The following SMYD3 variants were observed in gnomAD, a reference collection of about 807,000 sequenced individuals.
SMYD3 encodes the protein SET and MYND domain containing 3.
Under a neutral mutation model 57.7 loss-of-function variants are expected in SMYD3, and 36 were observed. The ratio of observed to expected loss-of-function variants is 0.62; its 90% confidence interval spans 0.48 to 0.82. The LOEUF (loss-of-function observed/expected upper bound fraction) is 0.82, where lower values mean the gene tolerates loss of function less well. SMYD3 is among the 40% of genes least tolerant of loss of function. The probability of loss-of-function intolerance (pLI) is 0.00; values close to 1 mark genes in which losing one functional copy is unlikely to be tolerated. For missense variants in SMYD3, 515 were observed against 538.8 expected, an observed-to-expected ratio of 0.96 and a Z score of 0.44; for synonymous variants, 211 against 195.0, an observed-to-expected ratio of 1.08 and a Z score of -0.68.
chr1:246,420,463 A>G (rs1219471492), intron 1 of SMYD3, among the ~76,000 whole-genome samples: 2 of 152,244 alleles, frequency 1.3e-5, no homozygotes, highest in African/African-American at 4.8e-5. Flanking sequence ...AATTCAGTCA[A>G]GCTGAAATCA....
At chr1:245,861,291 C>G (rs978782003) in intron 9 of SMYD3, among the ~76,000 whole-genome samples, 4 of 152,220 alleles carry the variant, frequency 2.6e-5, no homozygotes, top group Admixed American at 1.3e-4. Flanking sequence ...GAGCTCTAGA[C>G]CTAGCAGGGC....
intron 5 of SMYD3, among the ~76,000 whole-genome samples, chr1:246,097,542 C>T (rs1339192924): frequency 6.6e-6 from 1 of 152,178 alleles, no homozygotes; most frequent in African/African-American, 2.4e-5. Context: ...AGCAAAAGCT[C>T]TGTAGTACTC....
intron 5 of SMYD3, among the ~76,000 whole-genome samples, chr1:246,261,216 G>A (rs543708346): frequency 6.6e-6 from 1 of 151,886 alleles, no homozygotes; most frequent in East Asian, 1.9e-4. Flanking sequence ...CCGCCACCAC[G>A]CCTGGCTAAT....
intron 5 of SMYD3, among the ~76,000 whole-genome samples, chr1:246,010,482 A>G (rs2059262399): frequency 6.6e-6 from 1 of 151,874 alleles, no homozygotes; most frequent in Non-Finnish European, 1.5e-5. Flanking sequence ...AATTTAATAA[A>G]CTCCCTCTCT....
intron 5 of SMYD3, among the ~76,000 whole-genome samples, chr1:246,267,282 C>T (rs2064127904): frequency 6.6e-6 from 1 of 152,000 alleles, no homozygotes; most frequent in Admixed American, 6.5e-5. Context: ...CATGCATTAA[C>T]ATATTAATTG....
intron 10 of SMYD3, among the ~76,000 whole-genome samples, chr1:245,851,116 T>C (rs78071652): frequency 0.018 from 2,759 of 152,196 alleles, 84 homozygotes; most frequent in African/African-American, 0.063. Context: ...GGCCTCCTAC[T>C]CTAGCACTCT....
intron 5 of SMYD3, among the ~76,000 whole-genome samples, chr1:246,032,982 G>A (rs1026466543): frequency 1.3e-5 from 2 of 152,114 alleles, no homozygotes; most frequent in Non-Finnish European, 2.9e-5. Context: ...TTTAGGGATC[G>A]CTGCAAGTTG....
chr1:246,383,476 G>A (rs1472170214), intron 1 of SMYD3, among the ~76,000 whole-genome samples: 1 of 152,060 alleles, frequency 6.6e-6, no homozygotes, highest in Non-Finnish European at 1.5e-5. Context: ...TTGCACTAAA[G>A]GTAGAAAAGC....
At chr1:245,953,400 G>A in intron 5 of SMYD3, 1 of 951,120 alleles carries the variant, frequency 1.1e-6, no homozygotes, top group Non-Finnish European at 1.3e-6. Context: ...AAAGTAAACT[G>A]GCTTAAAAGT....
At chr1:245,898,088 C>T (rs1019794302) in intron 8 of SMYD3, among the ~76,000 whole-genome samples, 3 of 152,090 alleles carry the variant, frequency 2.0e-5, no homozygotes, top group African/African-American at 4.8e-5. Flanking sequence ...TTAGGTTTGG[C>T]TGCTGATACA....
chr1:245,888,070 C>G (rs1405398343), intron 8 of SMYD3, among the ~76,000 whole-genome samples: 1 of 152,188 alleles, frequency 6.6e-6, no homozygotes, highest in African/African-American at 2.4e-5. Context: ...TAATTCTAGT[C>G]CTTGTTGGGG....
At chr1:246,280,283 A>G (rs1452183620) in intron 5 of SMYD3, among the ~76,000 whole-genome samples, 1 of 152,238 alleles carries the variant, frequency 6.6e-6, no homozygotes, top group South Asian at 2.1e-4. Flanking sequence ...ATTATTTTAT[A>G]AAGTCTACCA....
chr1:246,426,209 A>T (rs2067216126), intron 1 of SMYD3: 2 of 152,078 alleles, frequency 1.3e-5, no homozygotes, highest in Admixed American at 1.3e-4. Context: ...TACCCTATTG[A>T]GTTATTTTAC....
At chr1:245,777,349 G>A (rs2046646761) in intron 10 of SMYD3, among the ~76,000 whole-genome samples, 1 of 152,096 alleles carries the variant, frequency 6.6e-6, no homozygotes, top group South Asian at 2.1e-4. Flanking sequence ...AATTGCCAAA[G>A]GCAACCACTT....
chr1:245,769,867 G>T (rs2046267937), intron 10 of SMYD3, among the ~76,000 whole-genome samples: 1 of 152,166 alleles, frequency 6.6e-6, no homozygotes, highest in South Asian at 2.1e-4. Context: ...GTCAGCCCAT[G>T]GTATCGCTGG....
intron 1 of SMYD3, among the ~76,000 whole-genome samples, chr1:246,362,544 T>A (rs1257727076): frequency 6.6e-6 from 1 of 152,172 alleles, no homozygotes; most frequent in African/African-American, 2.4e-5. Flanking sequence ...CCATCTCGGC[T>A]CACTGCAACC....
intron 8 of SMYD3, among the ~76,000 whole-genome samples, chr1:245,890,074 A>G (rs1039081353): frequency 2.0e-5 from 3 of 151,490 alleles, no homozygotes; most frequent in African/African-American, 7.4e-5. Flanking sequence ...ATATAAAACA[A>G]TTAACCAAGA....
intron 10 of SMYD3, among the ~76,000 whole-genome samples, chr1:245,781,058 G>C (rs987656870): frequency 1.3e-5 from 2 of 152,194 alleles, no homozygotes; most frequent in Admixed American, 1.3e-4. Context: ...TATGGAGACA[G>C]TAAGCAGAAA....
intron 1 of SMYD3, among the ~76,000 whole-genome samples, chr1:246,375,827 T>C (rs1052029908): frequency 2.4e-4 from 36 of 152,240 alleles, no homozygotes; most frequent in African/African-American, 7.9e-4. Flanking sequence ...CCCCCTGGGT[T>C]GAAGCAACAA....
Sources: gnomAD v4.1 joint callset for allele counts (sites outside exome capture counted in the v4.1 genomes callset) on GRCh38, gnomAD v4.1.1 for gene constraint, MANE v1.5 for transcripts, NCBI Gene and HGNC (gene_info 2026-07-23, HGNC 2026-07-21) for gene names.